PCDH7: variants seen among roughly 807,000 people sequenced by gnomAD.
The protein encoded by PCDH7 is protocadherin 7.
A neutral mutation model predicts 58.9 loss-of-function variants in PCDH7; 17 were observed. The ratio of observed to expected loss-of-function variants is 0.29; its 90% confidence interval spans 0.20 to 0.43. PCDH7 has a LOEUF of 0.43. PCDH7 is among the 20% of genes least tolerant of loss of function. PCDH7 has a pLI of 1.00. For synonymous variants in PCDH7, 664 were observed against 616.4 expected, an observed-to-expected ratio of 1.08 and a Z score of -1.14; for missense variants, 1,274 against 1,441.0, an observed-to-expected ratio of 0.88 and a Z score of 1.88.
chr4:30,862,122 A>C (rs529302661), intron 1 of PCDH7, among the ~76,000 whole-genome samples: 8 of 152,264 alleles, frequency 5.3e-5, no homozygotes, highest in Non-Finnish European at 1.0e-4. Flanking sequence ...AATCCTCTGA[A>C]TTCTGGTTCT....
At chr4:31,102,491 G>A (rs555604181) in intron 3 of PCDH7, among the ~76,000 whole-genome samples, 1 of 152,226 alleles carries the variant, frequency 6.6e-6, no homozygotes, top group African/African-American at 2.4e-5. Context: ...GGGAGGCTGA[G>A]GTGGGCAGAT....
intron 3 of PCDH7, among the ~76,000 whole-genome samples, chr4:31,137,748 T>TGG (rs1443441550): frequency 7.9e-5 from 12 of 152,334 alleles, no homozygotes; most frequent in African/African-American, 9.6e-5. Flanking sequence ...GACTTAACAA[T>TGG]CCGTTTATCT....
At chr4:31,052,167 T>A (rs56131224) in intron 3 of PCDH7, among the ~76,000 whole-genome samples, 49,105 of 151,966 alleles carry the variant, frequency 0.32, 8,143 homozygotes, top group Admixed American at 0.38. Context: ...CTTGAAGTGA[T>A]GTTGGAGGAA....
chr4:30,897,035 G>A (rs12331443), intron 1 of PCDH7, among the ~76,000 whole-genome samples: 2 of 150,730 alleles, frequency 1.3e-5, no homozygotes, highest in Non-Finnish European at 3.0e-5. Flanking sequence ...CTCCCGCGTA[G>A]CTGGGACTAC....
chr4:30,776,534 T>G (rs1722090872), intron 1 of PCDH7, among the ~76,000 whole-genome samples: 1 of 152,218 alleles, frequency 6.6e-6, no homozygotes, highest in African/African-American at 2.4e-5. Flanking sequence ...CCTTTCACTC[T>G]TTGGCTTGAA....
Position 31,023,889 on chromosome 4 carries a change from T to C in PCDH7, c.*7+73674T>C, listed in dbSNP as rs1578586967. On this transcript the variant is annotated intron_variant, in intron 3 of 3. Transcript: ENST00000509759. ...TACAGAAGGAATGTTCAGAGACATG[T>C]AAAAGAGAAAGCGTTCCAAACCCAG... is the stretch of plus-strand genomic sequence containing the variant. Among the ~76,000 whole-genome samples, 3 of 152,118 alleles carry C rather than the reference T, an allele frequency of 2.0e-5. No individual in the cohort carries two copies. In the South Asian group the frequency reaches 6.2e-4, roughly 32 times the overall value.
chr4:31,065,581 G>A (rs529132933), intron 3 of PCDH7, among the ~76,000 whole-genome samples: 2 of 151,934 alleles, frequency 1.3e-5, no homozygotes, highest in East Asian at 3.9e-4. Flanking sequence ...AAAAATAAGT[G>A]GCATTAGAGA....
At chr4:31,130,720 G>T (rs1041224126) in intron 3 of PCDH7, among the ~76,000 whole-genome samples, 2 of 152,252 alleles carry the variant, frequency 1.3e-5, no homozygotes, top group Admixed American at 6.5e-5. Flanking sequence ...CCTGTTTCTG[G>T]AGCATGCCTA....
intron 3 of PCDH7, among the ~76,000 whole-genome samples, chr4:31,042,064 T>A (rs1206244782): frequency 6.6e-6 from 1 of 152,186 alleles, no homozygotes; most frequent in Non-Finnish European, 1.5e-5. Flanking sequence ...CGACAAAGTA[T>A]GCAGTGAGTT....
chr4:30,996,023 C>T (rs1439274986), intron 3 of PCDH7, among the ~76,000 whole-genome samples: 1 of 152,056 alleles, frequency 6.6e-6, no homozygotes, highest in Non-Finnish European at 1.5e-5. Flanking sequence ...TCTTTGGTGG[C>T]CATTATTGTG....
intron 3 of PCDH7, among the ~76,000 whole-genome samples, chr4:30,967,956 C>T (rs1749141076): frequency 6.6e-6 from 1 of 152,030 alleles, no homozygotes; most frequent in African/African-American, 2.4e-5. Context: ...CTCACTCTTC[C>T]AAGAGACTAA....
At chr4:30,792,709 C>T (rs1294847970) in intron 1 of PCDH7, among the ~76,000 whole-genome samples, 2 of 152,082 alleles carry the variant, frequency 1.3e-5, no homozygotes, top group African/African-American at 4.8e-5. Flanking sequence ...AAAATTCTAT[C>T]TCAGTAGGAG....
intron 1 of PCDH7, among the ~76,000 whole-genome samples, chr4:30,746,134 G>T (rs774220186): frequency 3.9e-5 from 6 of 152,144 alleles, no homozygotes; most frequent in African/African-American, 7.2e-5. Context: ...TGGCTAAAGA[G>T]ATATTATTTT....
chr4:31,072,934 G>A (rs962530460), intron 3 of PCDH7, among the ~76,000 whole-genome samples: 2 of 152,058 alleles, frequency 1.3e-5, no homozygotes, highest in Non-Finnish European at 2.9e-5. Flanking sequence ...TCAAAAGGCA[G>A]TATAATAAAT....
chr4:30,852,930 GGA>G (rs1479387076), intron 1 of PCDH7, among the ~76,000 whole-genome samples: 1 of 151,428 alleles, frequency 6.6e-6, no homozygotes, highest in Non-Finnish European at 1.5e-5. Flanking sequence ...AGTGTTTATC[GGA>G]GATGGTAAAT....
intron 2 of PCDH7, among the ~76,000 whole-genome samples, chr4:30,923,567 GA>G (rs1743456344): frequency 6.6e-6 from 1 of 151,906 alleles, no homozygotes; most frequent in Non-Finnish European, 1.5e-5. Context: ...TATACCATAA[GA>G]ATAAATATAA....
At chr4:30,720,376 GCA>G (rs1043323915), upstream of PCDH7, 19 of 152,726 alleles carry the variant, frequency 1.2e-4, no homozygotes, top group Non-Finnish European at 2.3e-4. The surrounding 1 kb of genome is among the most constrained non-coding windows in gnomAD (Gnocchi z 4.7). Context: ...CCTGAATCGC[GCA>G]CAGCGCTGCA....
chr4:30,837,720 T>C (rs1730677461), intron 1 of PCDH7, among the ~76,000 whole-genome samples: 1 of 151,850 alleles, frequency 6.6e-6, no homozygotes, highest in Non-Finnish European at 1.5e-5. Flanking sequence ...TTTTGTAAGT[T>C]GAAGGCAACA....
chr4:31,076,771 T>A (rs562115726), intron 3 of PCDH7, among the ~76,000 whole-genome samples: 55 of 152,326 alleles, frequency 3.6e-4, no homozygotes, highest in African/African-American at 1.3e-3. Flanking sequence ...GGTTATCTAT[T>A]GGTGTAATAC....
Sources: allele counts gnomAD v4.1 joint callset (sites outside exome capture counted in the v4.1 genomes callset), GRCh38; gene constraint gnomAD v4.1.1; non-coding constraint Gnocchi (gnomAD v3.1); transcripts MANE v1.5; gene names NCBI Gene and HGNC (gene_info 2026-07-23, HGNC 2026-07-21).